Variants in UPRT observed in about 807,000 individuals in gnomAD.
UPRT encodes the protein uracil phosphoribosyltransferase homolog.
A neutral mutation model predicts 22.6 loss-of-function variants in UPRT; 5 were observed. The ratio of observed to expected loss-of-function variants is 0.22; its 90% CI spans 0.12 to 0.47. UPRT has a LOEUF of 0.47. UPRT is among the 20% of genes least tolerant of loss of function. UPRT has a pLI of 0.99. For missense variants in UPRT, 181 were observed against 239.9 expected, an observed-to-expected ratio of 0.75 and a Z score of 1.62; for synonymous variants, 77 against 87.7, an observed-to-expected ratio of 0.88 and a Z score of 0.68.
intron 3 of UPRT, 80 bp from the exon 4 acceptor site, chrX:75,297,410 CT>C (rs1296193663): frequency 4.8e-6 from 5 of 1,037,863 alleles, no homozygotes; most frequent in Non-Finnish European, 6.7e-6. Context: ...TGCCCATCTA[CT>C]TTAAACCGTA....
chrX:75,241,294 T>A (rs1376484427), intron 4 of UPRT, among the ~76,000 whole-genome samples: 2 of 111,003 alleles, frequency 1.8e-5, no homozygotes, highest in African/African-American at 6.5e-5. Context: ...CAAAAGAAGA[T>A]ATACAAATGT....
intron 4 of UPRT, among the ~76,000 whole-genome samples, chrX:75,259,269 G>T (rs889682904): frequency 9.0e-6 from 1 of 110,541 alleles, no homozygotes; most frequent in African/African-American, 3.3e-5. Context: ...GATGGAGAAT[G>T]AGTTTGATGA....
chrX:75,242,602 G>A (rs2082491737), intron 4 of UPRT, among the ~76,000 whole-genome samples: 1 of 48,869 alleles, frequency 2.0e-5, no homozygotes, highest in Non-Finnish European at 4.5e-5. Context: ...CTGCTTGTAT[G>A]CCATTATCAA....
At chrX:75,178,056 C>T (rs4431754) in intron 4 of UPRT, among the ~76,000 whole-genome samples, 14,326 of 111,727 alleles carry the variant, frequency 0.13, 1,572 homozygotes, top group East Asian at 0.91. Context: ...CAGGGTCAAC[C>T]AACATGTTGT....
chrX:75,284,983 T>G (rs2082674157), intron 1 of UPRT, among the ~76,000 whole-genome samples: 1 of 110,788 alleles, frequency 9.0e-6, no homozygotes, highest in African/African-American at 3.3e-5. Context: ...GTGGCTGCCG[T>G]AGGGGATGGG....
intron 4 of UPRT, among the ~76,000 whole-genome samples, chrX:75,235,976 G>A (rs998801766): frequency 4.5e-5 from 5 of 110,783 alleles, no homozygotes; most frequent in African/African-American, 1.6e-4. Context: ...GGAAATAAAG[G>A]GTATTCAATT....
chrX:75,268,278 CA>C (rs1003079099), intron 4 of UPRT, among the ~76,000 whole-genome samples: 2 of 110,484 alleles, frequency 1.8e-5, no homozygotes, highest in African/African-American at 6.6e-5. Context: ...AGCCTACCAA[CA>C]AAAAAAAGTC....
chrX:75,231,123 G>A (rs2147642494), intron 4 of UPRT, among the ~76,000 whole-genome samples: 1 of 111,689 alleles, frequency 9.0e-6, no homozygotes, highest in East Asian at 2.8e-4. Flanking sequence ...TGCAGATACA[G>A]AATTCAGAAG....
intron 4 of UPRT, among the ~76,000 whole-genome samples, chrX:75,191,741 T>C: frequency 8.9e-6 from 1 of 112,230 alleles, no homozygotes; most frequent in African/African-American, 3.2e-5. Flanking sequence ...CGAGGCTCCA[T>C]GGACGTGGGA....
At chrX:75,241,290 A>G (rs2082487571) in intron 4 of UPRT, among the ~76,000 whole-genome samples, 1 of 111,831 alleles carries the variant, frequency 8.9e-6, no homozygotes, top group Non-Finnish European at 1.9e-5. Context: ...TTCCCAAAAG[A>G]AGATATACAA....
At position 75,274,155 on chromosome X, in the gene UPRT, G is replaced by A; in HGVS notation, c.-100G>A. ...AGCCAGGGTTAGATGTTCTGAGGAG[G>A]CGGGAGCAACCGAGAGAGCACGTGA... On this transcript the variant is annotated 5_prime_UTR_variant, in exon 1 of 7. Coordinates refer to ENST00000373383, the MANE Select transcript of UPRT (RefSeq NM_145052.4). The A allele has an allele frequency of 9.0e-7, 1 of 1,105,027 alleles. No homozygotes were observed. The highest frequency in any genetic ancestry group is 3.2e-5 in the Admixed American group (1 of 31,690). The allele number at this position is 1,105,027 out of a possible 1,213,427, so 91.1% of individuals were successfully genotyped here.
rs190281765 is a variant in UPRT at position 75,178,962 on chromosome X, C to T, written c.-447+11083C>T. 2.1e-3 allele frequency among the ~76,000 whole-genome samples: 231 copies of T among 111,398 alleles called. 3 individuals carry two copies. The highest frequency in any genetic ancestry group is 1.4e-3 in the Non-Finnish European group (76 of 53,081). ...AGCCAAGTGGCCTGTTTTGACAGGG[C>T]GCTGATTGGTGCGTTTACAATCCCT... On this transcript the variant is annotated intron_variant, in intron 4 of 13. Transcript: ENST00000652605.
At chrX:75,297,579 G>C (rs183321104) in intron 4 of UPRT, 26 bp downstream of exon 4, 1 of 1,204,772 alleles carries the variant, frequency 8.3e-7, no homozygotes, top group East Asian at 3.0e-5. Context: ...TGTGATTTTT[G>C]TCTCTTTGTA....
intron 4 of UPRT, among the ~76,000 whole-genome samples, chrX:75,235,548 A>G (rs2082458675): frequency 8.9e-6 from 1 of 112,126 alleles, no homozygotes; most frequent in Admixed American, 9.5e-5. Context: ...AAAATCCTCA[A>G]TAAAATACTG....
At chrX:75,203,545 G>A (rs1424940335) in intron 4 of UPRT, among the ~76,000 whole-genome samples, 1 of 105,499 alleles carries the variant, frequency 9.5e-6, no homozygotes, top group African/African-American at 3.5e-5. Flanking sequence ...CACACACACG[G>A]TAGCTTAACA....
intron 5 of UPRT, 57 bp from the exon 6 acceptor site, chrX:75,300,810 G>T (rs1488761310): frequency 8.2e-6 from 8 of 973,098 alleles, no homozygotes; most frequent in Non-Finnish European, 1.1e-5. Context: ...AAAGAAAAAA[G>T]ACATTTAAAA....
intron 4 of UPRT, among the ~76,000 whole-genome samples, chrX:75,188,282 G>A (rs969307419): frequency 9.9e-5 from 11 of 111,500 alleles, no homozygotes; most frequent in Admixed American, 8.5e-4. Flanking sequence ...GTACCTGGGC[G>A]TGTGAGGTGT....
intron 4 of UPRT, among the ~76,000 whole-genome samples, chrX:75,197,901 A>G: frequency 8.9e-6 from 1 of 112,683 alleles, no homozygotes; most frequent in Non-Finnish European, 1.9e-5. Flanking sequence ...TAGATGGTTC[A>G]AGAACTTTGA....
chrX:75,163,065 C>G (rs947007646), intron 2 of UPRT, among the ~76,000 whole-genome samples: 8 of 112,061 alleles, frequency 7.1e-5, no homozygotes, highest in African/African-American at 2.6e-4. Flanking sequence ...GGGCTGCAAT[C>G]TCATCTGAGA....
Sources: allele counts gnomAD v4.1 joint callset (sites outside exome capture counted in the v4.1 genomes callset), GRCh38; gene constraint gnomAD v4.1.1; transcripts MANE v1.5; gene names NCBI Gene and HGNC (gene_info 2026-07-23, HGNC 2026-07-21).